The following S100A2 variants were observed in gnomAD, a reference collection of about 807,000 sequenced individuals.
The protein encoded by S100A2 is S100 calcium binding protein A2, also known as protein S100-A2.
A neutral mutation model predicts 4.3 loss-of-function variants in S100A2; 5 were observed. That is an observed-to-expected ratio of 1.16 (90% CI 0.61 to 2.44). S100A2 has a LOEUF of 2.44. Among genes scored for constraint, S100A2 ranks in the 30% most tolerant of loss-of-function variants. S100A2 has a pLI of 0.01. For synonymous variants in S100A2, 44 were observed against 46.0 expected (o/e 0.96, Z 0.17); for missense variants, 103 against 114.7 (o/e 0.90, Z 0.47).
intron 2 of S100A2, among the ~76,000 whole-genome samples, chr1:153,563,083 G>T (rs558135286): frequency 6.6e-6 from 1 of 151,736 alleles, no homozygotes; most frequent in Non-Finnish European, 1.5e-5. Context: ...AGACCAGCCT[G>T]ACCAATATGA....
intron 2 of S100A2, among the ~76,000 whole-genome samples, chr1:153,563,242 T>C (rs1026523919): frequency 2.6e-5 from 4 of 151,796 alleles, no homozygotes; most frequent in African/African-American, 9.7e-5. Context: ...CGTAGTGGGA[T>C]GCGCCTGTAG....
chr1:153,563,490 A>G (rs765463833), intron 2 of S100A2: 14 of 1,550,636 alleles, frequency 9.0e-6, no homozygotes, highest in Non-Finnish European at 7.0e-6. Flanking sequence ...GACAGGATTA[A>G]ACAGATGGAC....
Position 153,561,574 on chromosome 1 carries a change from C to G in S100A2, c.162G>C (p.Glu54Asp). 6.2e-7 allele frequency: 1 copy of G among 1,614,164 alleles called. No individual in the cohort carries two copies. The highest frequency in any genetic ancestry group is 1.7e-5 in the Admixed American group (1 of 60,022). Residue 54 changes from glutamate to aspartate, a missense_variant, in exon 3 of 3, where the codon GAG becomes GAC. By Grantham distance (45) the Glu-to-Asp change is conservative (BLOSUM62 2). Transcript: ENST00000368708. The part of the protein sequence containing the change: ...PSFVGEKVDE[E>D]GLKKLMGSLD... The stretch of plus-strand genomic sequence containing the variant: ...GGCTGCCCATCAGCTTCTTCAGCCC[C>G]TCCTCATCCACTTTCTCCTGAAAGT...
At chr1:153,562,686 TTTGGCATATAAAA>T in intron 2 of S100A2, among the ~76,000 whole-genome samples, 1 of 152,198 alleles carries the variant, frequency 6.6e-6, no homozygotes, top group East Asian at 1.9e-4. Context: ...ACTTTCTTAG[TTTGGCATATAAAA>T]ATGGAAAGAG....
chr1:153,563,137 G>A (rs1665931568), intron 2 of S100A2, among the ~76,000 whole-genome samples: 1 of 151,874 alleles, frequency 6.6e-6, no homozygotes, highest in Admixed American at 6.6e-5. Flanking sequence ...ACTTTGGGAA[G>A]CCGAGGCAGG....
Position 153,563,779 on chromosome 1 carries a change from C to T in S100A2, c.99G>A (p.Gly33=), listed in dbSNP as rs1237588139. Residue 33 remains glycine (G), a synonymous_variant, in exon 2 of 3, where the codon GGG becomes GGA. Coordinates refer to ENST00000368708, the MANE Select transcript of S100A2 (RefSeq NM_005978.4). ...CCTTGTGCAGAAGTTCCTTCATTTCCCCCTTACTCAGCTTGAACTTGTCGC... is the reference window on the plus strand; with the variant it reads ...CCTTGTGCAGAAGTTCCTTCATTTCTCCCTTACTCAGCTTGAACTTGTCGC... ...QEGDKFKLSK[G]EMKELLHKEL... is the part of the protein sequence containing the mutation. The T allele has an allele frequency of 3.7e-6, 6 of 1,614,238 alleles. No homozygotes were observed. The highest frequency in any genetic ancestry group is 1.7e-5 in the Admixed American group (1 of 60,028).
chr1:153,563,982 C>G, intron 1 of S100A2, 95 bp from the exon 2 acceptor site: 2 of 1,264,382 alleles, frequency 1.6e-6, no homozygotes, highest in Middle Eastern at 2.2e-4. Context: ...CCCAAGCCAC[C>G]TCACAAAACC....
chr1:153,563,570 C>T (rs1334975663), intron 2 of S100A2, 164 bp downstream of exon 2: 3 of 1,552,064 alleles, frequency 1.9e-6, no homozygotes, highest in African/African-American at 2.7e-5. Context: ...AGCACTCCCA[C>T]TCGGGCCTCA....
chr1:153,561,161 G>A lies in S100A2; in HGVS notation c.*278C>T, dbSNP rs1362976727. The A allele has an allele frequency of 9.8e-6, 3 of 306,810 alleles. No individual in the cohort carries two copies. Among genetic ancestry groups the A allele is most frequent in the Non-Finnish European group, 1.8e-5 (3 of 169,396 alleles). The allele number at this position is 306,810 out of a possible 1,614,324, so 19.0% of individuals were successfully genotyped here. On this transcript the variant is annotated 3_prime_UTR_variant, in exon 3 of 3. Coordinates refer to ENST00000368708, the MANE Select transcript of S100A2 (RefSeq NM_005978.4). ...AAAATAAAAGTCAGCAACCTATCTC[G>A]ATTTCCAATTTTTTGCTGGTGTTTG...
Position 153,561,362 on chromosome 1 carries a change from T to C in S100A2, c.*77A>G. The C allele has an allele frequency of 6.6e-7, 1 of 1,512,726 alleles. No homozygotes were observed. The highest frequency in any genetic ancestry group is 1.2e-5 in the South Asian group (1 of 80,726). The allele number at this position is 1,512,726 out of a possible 1,614,324, so 93.7% of individuals were successfully genotyped here. A position where few individuals can be genotyped will look rare whatever the true frequency, so the allele number is the denominator to read the frequency against. On this transcript the variant is annotated 3_prime_UTR_variant, in exon 3 of 3. Transcript: ENST00000368708. ...AAATATTATCAACAGACAAAAAAAG[T>C]TTATTGAATACAAAACTCAAAGGCA...
intron 2 of S100A2, among the ~76,000 whole-genome samples, chr1:153,563,006 G>A (rs1192874986): frequency 6.6e-6 from 1 of 150,588 alleles, no homozygotes; most frequent in Non-Finnish European, 1.5e-5. Context: ...GGGCACGGTG[G>A]CTCACGCCTG....
At chr1:153,564,049 G>A in intron 1 of S100A2, 162 bp from the exon 2 acceptor site, 2 of 671,510 alleles carry the variant, frequency 3.0e-6, no homozygotes, top group Admixed American at 6.4e-5. Flanking sequence ...GGTTCCCTGA[G>A]GCCGGAGGCG....
rs370761990 is a variant in S100A2, at chr1:153,563,737, C to G, written c.141G>C (p.Val47=). Residue 47 remains valine, a synonymous_variant, in exon 2 of 3, where the codon GTG becomes GTC. Transcript: ENST00000368708. ...CCCACAGGCCTGTGCCACTCACCCC[C>G]ACAAAGCTGGGCAGCTCCTTGTGCA... ...ELLHKELPSF[V]GEKVDEEGLK... is the part of the protein sequence containing the mutation. 6.2e-7 allele frequency: 1 copy of G among 1,613,208 alleles called. No homozygotes were observed. Among genetic ancestry groups the G allele is most frequent in the Non-Finnish European group, 8.5e-7 (1 of 1,179,466 alleles).
At position 153,563,654 on chromosome 1, in the gene S100A2, G is replaced by A. The variant is rs567462040; in HGVS notation, c.144+80C>T. On this transcript the variant is annotated intron_variant, in intron 2 of 2. Coordinates refer to ENST00000368708, the MANE Select transcript of S100A2 (RefSeq NM_005978.4). ...CCCACCCTGGCACCTGCATCGACAG[G>A]CACCCGGAACTGGGGGAGAGATTTA... The A allele has an allele frequency of 4.4e-6, 7 of 1,586,334 alleles. No individual in the cohort carries two copies. In the East Asian group the frequency reaches 1.4e-4, roughly 31 times the overall value.
At chr1:153,563,153 C>T (rs555615413) in intron 2 of S100A2, among the ~76,000 whole-genome samples, 33 of 152,042 alleles carry the variant, frequency 2.2e-4, no homozygotes, top group African/African-American at 7.7e-4. Context: ...GCAGGTAGAT[C>T]ACGAGGTCAG....
At chr1:153,562,948 T>G (rs1378172851) in intron 2 of S100A2, among the ~76,000 whole-genome samples, 1 of 125,464 alleles carries the variant, frequency 8.0e-6, no homozygotes, top group African/African-American at 3.1e-5. Context: ...GGTGACAGAG[T>G]GAGATCTTGT....
At chr1:153,562,347 T>C (rs1441816300) in intron 2 of S100A2, among the ~76,000 whole-genome samples, 1 of 152,184 alleles carries the variant, frequency 6.6e-6, no homozygotes, top group Non-Finnish European at 1.5e-5. Flanking sequence ...TCTTGCTATG[T>C]TGCCCAGGCT....
At chr1:153,561,693 TC>T in intron 2 of S100A2, 102 bp from the exon 3 acceptor site, 4 of 1,539,468 alleles carry the variant, frequency 2.6e-6, no homozygotes, top group Non-Finnish European at 3.6e-6. Flanking sequence ...CAGCTCTCCC[TC>T]CCCACTGGGC....
In S100A2 at chr1:153,561,457, GC is replaced by G; in HGVS notation, c.278del (p.Gly93AlafsTer32). The G allele has an allele frequency of 6.2e-7, 1 of 1,614,116 alleles. No homozygotes were observed. The highest frequency in any genetic ancestry group is 8.5e-7 in the Non-Finnish European group (1 of 1,179,968). On this transcript the variant is annotated frameshift_variant, in exon 3 of 3. Transcript: ENST00000368708. LOFTEE classifies it low-confidence loss of function (END_TRUNC). Reference sequence around the variant, plus strand: ...TTCTGCTTCAGGGTCGGTCTGGGCAGCCCTGGAAGAAGTCATTGCACATGAC... The same window carrying G: ...TTCTGCTTCAGGGTCGGTCTGGGCAGCCTGGAAGAAGTCATTGCACATGAC... Reference protein sequence around the residue: ...ITVMCNDFFQGCPDRP With the variant: ...ITVMCNDFFQXCPDRP
Sources: allele counts gnomAD v4.1 joint callset (sites outside exome capture counted in the v4.1 genomes callset), GRCh38; gene constraint gnomAD v4.1.1; transcripts MANE v1.5; gene names NCBI Gene and HGNC (gene_info 2026-07-23, HGNC 2026-07-21).